The following STT3B variants were observed in gnomAD, a reference collection of about 807,000 sequenced individuals.
STT3B encodes STT3 oligosaccharyltransferase complex catalytic subunit B.
A neutral mutation model predicts 96.8 loss-of-function variants in STT3B; 29 were observed. That is an observed-to-expected ratio of 0.30 (90% CI 0.22 to 0.41). STT3B has a LOEUF of 0.41. Among genes scored for constraint, STT3B ranks in the 10% least tolerant of loss-of-function variants. The pLI is 1.00. For synonymous variants in STT3B, 367 were observed against 360.0 expected (o/e 1.02, Z -0.22); for missense variants, 640 against 1,022.3 (o/e 0.63, Z 5.10).
chr3:31,566,420 G>A, intron 1 of STT3B, among the ~76,000 whole-genome samples: 1 of 152,252 alleles, frequency 6.6e-6, no homozygotes, highest in Middle Eastern at 3.4e-3. Flanking sequence ...GCAAAGGAGT[G>A]TGTATGTGTG....
At chr3:31,595,750 A>T (rs1436097538) in intron 3 of STT3B, among the ~76,000 whole-genome samples, 2 of 152,184 alleles carry the variant, frequency 1.3e-5, no homozygotes, top group African/African-American at 4.8e-5. Flanking sequence ...TAAAAATTTT[A>T]AATTCCACAC....
Position 31,583,644 on chromosome 3 carries a change from A to G in STT3B, c.711+3548A>G, listed in dbSNP as rs576190069. The stretch of plus-strand genomic sequence containing the variant: ...GTGCATCTCTTACATAACTGCATGT[A>G]GTTGGATCATGTGTTTATTCTTTCT... On this transcript the variant is annotated intron_variant, in intron 3 of 15. Coordinates refer to ENST00000295770, the MANE Select transcript of STT3B (RefSeq NM_178862.3). Among the ~76,000 whole-genome samples, 18 of 152,292 alleles carry G rather than the reference A, an allele frequency of 1.2e-4. No individual in the cohort carries two copies. In the South Asian group the frequency reaches 3.3e-3, roughly 28 times the overall value.
intron 1 of STT3B, among the ~76,000 whole-genome samples, chr3:31,546,602 C>G (rs1190499713): frequency 6.6e-6 from 1 of 152,178 alleles, no homozygotes; most frequent in Non-Finnish European, 1.5e-5. Flanking sequence ...GATGCATATA[C>G]AGGTAGGGGC....
intron 1 of STT3B, among the ~76,000 whole-genome samples, chr3:31,548,296 A>C (rs923105880): frequency 1.3e-5 from 2 of 152,150 alleles, no homozygotes; most frequent in African/African-American, 4.8e-5. Context: ...CACCAGGTTG[A>C]GCATAGTAAC....
intron 13 of STT3B, among the ~76,000 whole-genome samples, chr3:31,629,017 G>A (rs767774647): frequency 2.6e-5 from 4 of 152,110 alleles, no homozygotes; most frequent in Non-Finnish European, 4.4e-5. Flanking sequence ...GAAATGGGAG[G>A]ATTGCTTGAG....
intron 1 of STT3B, among the ~76,000 whole-genome samples, chr3:31,553,878 G>A (rs1248509345): frequency 1.3e-5 from 2 of 152,140 alleles, no homozygotes; most frequent in Non-Finnish European, 2.9e-5. Flanking sequence ...TTAGAATTGT[G>A]TACTTGTATG....
intron 1 of STT3B, among the ~76,000 whole-genome samples, chr3:31,559,778 G>A (rs974562689): frequency 6.6e-6 from 1 of 152,076 alleles, no homozygotes; most frequent in Non-Finnish European, 1.5e-5. Context: ...GATGGTGAGA[G>A]TGGATTGTTA....
At chr3:31,581,988 T>G (rs527500202) in intron 3 of STT3B, among the ~76,000 whole-genome samples, 1 of 152,320 alleles carries the variant, frequency 6.6e-6, no homozygotes, top group African/African-American at 2.4e-5. Flanking sequence ...CATACAAGAC[T>G]TGATAATACT....
intron 9 of STT3B, among the ~76,000 whole-genome samples, chr3:31,620,749 T>G (rs1011466666): frequency 3.9e-5 from 6 of 152,204 alleles, no homozygotes; most frequent in African/African-American, 1.2e-4. Flanking sequence ...GAGAAAAACT[T>G]TATCACGTGC....
intron 4 of STT3B, among the ~76,000 whole-genome samples, chr3:31,599,759 C>T (rs958182945): frequency 8.5e-5 from 13 of 152,132 alleles, no homozygotes; most frequent in Non-Finnish European, 1.5e-4. Context: ...CCAAGAACAT[C>T]CTCAGTTATT....
At chr3:31,611,805 G>GTTTAT in intron 5 of STT3B, among the ~76,000 whole-genome samples, 1 of 151,914 alleles carries the variant, frequency 6.6e-6, no homozygotes, top group East Asian at 1.9e-4. Context: ...CCAAGATTGT[G>GTTTAT]TTTATTTTTA....
chr3:31,632,890 G>A (rs1257564705), intron 14 of STT3B, 45 bp from the exon 15 acceptor site: 1 of 1,539,316 alleles, frequency 6.5e-7, no homozygotes, highest in Non-Finnish European at 8.9e-7. Flanking sequence ...AACACTGAAT[G>A]TTTTCCAATA....
chr3:31,572,567 T>TAAAAA (rs1698183442), intron 1 of STT3B, among the ~76,000 whole-genome samples: 1 of 152,188 alleles, frequency 6.6e-6, no homozygotes, highest in Non-Finnish European at 1.5e-5. Flanking sequence ...TTTATATTTT[T>TAAAAA]AAAAATATTC....
At chr3:31,595,002 G>C (rs1698754679) in intron 3 of STT3B, among the ~76,000 whole-genome samples, 2 of 152,064 alleles carry the variant, frequency 1.3e-5, no homozygotes, top group Non-Finnish European at 2.9e-5. Flanking sequence ...CCCTGTCCTT[G>C]GGCCTTTTAT....
chr3:31,562,955 G>T (rs899145655), intron 1 of STT3B, among the ~76,000 whole-genome samples: 7 of 152,210 alleles, frequency 4.6e-5, no homozygotes, highest in African/African-American at 1.7e-4. Context: ...TGGGACCTGA[G>T]AGGGTCAAGG....
chr3:31,533,401 C>G lies in STT3B; in HGVS notation c.314+89C>G, dbSNP rs1197748409. ...CCGCCGCAGCTCTCCTCGACTTGGC[C>G]CCGCGCCGCCGCGGAGCCCCGCTCG... On this transcript the variant is annotated intron_variant, in intron 1 of 15. Transcript: ENST00000295770. The G allele has an allele frequency of 4.6e-6, 6 of 1,300,542 alleles. No individual in the cohort carries two copies. The South Asian group carries it at 1.2e-4, about 27-fold the overall frequency. The allele number at this position is 1,300,542 out of a possible 1,614,324, so 80.6% of individuals were successfully genotyped here.
chr3:31,542,352 G>A (rs936174368), intron 1 of STT3B, among the ~76,000 whole-genome samples: 59 of 152,154 alleles, frequency 3.9e-4, no homozygotes, highest in Non-Finnish European at 7.4e-5. Flanking sequence ...CCCTGGGCAT[G>A]GACTGTTTGC....
intron 3 of STT3B, among the ~76,000 whole-genome samples, chr3:31,595,873 A>C (rs1698780601): frequency 6.6e-6 from 1 of 152,208 alleles, no homozygotes; most frequent in South Asian, 2.1e-4. Context: ...CCACCACCTC[A>C]GTAAAGCTTC....
At chr3:31,621,603 A>AT (rs1181759936) in intron 9 of STT3B, among the ~76,000 whole-genome samples, 2 of 152,100 alleles carry the variant, frequency 1.3e-5, no homozygotes, top group African/African-American at 4.8e-5. Flanking sequence ...TGTTTCAAAA[A>AT]TTTTTTTTAA....
Sources: gnomAD v4.1 joint callset for allele counts (sites outside exome capture counted in the v4.1 genomes callset) on GRCh38, gnomAD v4.1.1 for gene constraint, MANE v1.5 for transcripts, NCBI Gene and HGNC (gene_info 2026-07-23, HGNC 2026-07-21) for gene names.